The following FAM227B variants were observed in gnomAD, a reference collection of about 807,000 sequenced individuals.
The protein encoded by FAM227B is family with sequence similarity 227 member B, also known as protein FAM227B.
In FAM227B, 88 loss-of-function variants were observed where a neutral mutation model predicts 73.8. The ratio of observed to expected loss-of-function variants is 1.19; its 90% CI spans 1.00 to 1.42. The LOEUF is 1.42. Among genes scored for constraint, FAM227B ranks in the 40% most tolerant of loss-of-function variants. The probability of loss-of-function intolerance (pLI) is 0.00; values close to 1 mark genes in which losing one functional copy is unlikely to be tolerated. For synonymous variants in FAM227B, 210 were observed against 190.5 expected, an observed-to-expected ratio of 1.10 and a Z score of -0.84; for missense variants, 632 against 590.9, an observed-to-expected ratio of 1.07 and a Z score of -0.72.
chr15:49,364,678 C>A (rs570093849), intron 13 of FAM227B, among the ~76,000 whole-genome samples: 1 of 152,012 alleles, frequency 6.6e-6, no homozygotes, highest in Non-Finnish European at 1.5e-5. Flanking sequence ...AAATTTTCAC[C>A]GTTGAACTGC....
chr15:49,603,816 A>G (rs1425870428), intron 3 of FAM227B, among the ~76,000 whole-genome samples: 1 of 152,152 alleles, frequency 6.6e-6, no homozygotes, highest in Non-Finnish European at 1.5e-5. Context: ...TTATTATGTT[A>G]AAGTATATTC....
intron 11 of FAM227B, among the ~76,000 whole-genome samples, chr15:49,502,721 G>A (rs1446125082): frequency 1.3e-5 from 2 of 152,178 alleles, no homozygotes; most frequent in Non-Finnish European, 2.9e-5. Context: ...TTTGCAATGT[G>A]AGAAGGACAA....
At chr15:49,620,543 G>T (rs937599201) in intron 1 of FAM227B, 157 bp downstream of exon 1, 1 of 152,152 alleles carries the variant, frequency 6.6e-6, no homozygotes, top group African/African-American at 2.4e-5. Context: ...AGATACAAAT[G>T]ATTTTTCTAA....
chr15:49,438,834 T>TGA (rs34026981), intron 11 of FAM227B, among the ~76,000 whole-genome samples: 3 of 149,592 alleles, frequency 2.0e-5, no homozygotes, highest in South Asian at 2.1e-4. Flanking sequence ...GCTAAGCAAC[T>TGA]GAGAGAGAGA....
At chr15:49,473,668 T>G (rs1177467658) in intron 11 of FAM227B, among the ~76,000 whole-genome samples, 1 of 152,158 alleles carries the variant, frequency 6.6e-6, no homozygotes, top group African/African-American at 2.4e-5. Context: ...AGAATAAAAC[T>G]ATTTCTCTTA....
chr15:49,549,924 ACCTCCCTCCCGGATGGGGCG>A (rs2072582971), intron 9 of FAM227B, among the ~76,000 whole-genome samples: 3 of 95,390 alleles, frequency 3.1e-5, no homozygotes, highest in African/African-American at 3.6e-5. Flanking sequence ...GACCCCCCCC[ACCTCCCTCCCGGATGGGGCG>A]GCTGGCCGGG....
intron 11 of FAM227B, among the ~76,000 whole-genome samples, chr15:49,458,277 AAAAG>A (rs2053496345): frequency 6.6e-6 from 1 of 151,208 alleles, no homozygotes; most frequent in African/African-American, 2.4e-5. Context: ...ACTCTGGAGA[AAAAG>A]AACCCCCCCA....
intron 11 of FAM227B, chr15:49,486,789 G>T (rs2056434220): frequency 6.6e-6 from 1 of 151,622 alleles, no homozygotes; most frequent in South Asian, 2.1e-4. Context: ...TTAATTATTT[G>T]TTTTTCTCCT....
At chr15:49,558,492 T>C (rs968948308) in intron 9 of FAM227B, among the ~76,000 whole-genome samples, 2 of 152,178 alleles carry the variant, frequency 1.3e-5, no homozygotes, top group African/African-American at 2.4e-5. Flanking sequence ...GCCCACTGCA[T>C]AGCCACCCTT....
intron 11 of FAM227B, among the ~76,000 whole-genome samples, chr15:49,463,133 T>A (rs2151936278): frequency 6.6e-6 from 1 of 152,346 alleles, no homozygotes; most frequent in African/African-American, 2.4e-5. Flanking sequence ...TAGGCCTCCA[T>A]CAGCTCCTGC....
intron 10 of FAM227B, among the ~76,000 whole-genome samples, chr15:49,521,942 T>C (rs1031646290): frequency 1.3e-5 from 2 of 152,146 alleles, no homozygotes; most frequent in African/African-American, 4.8e-5. Flanking sequence ...TTTCCACTCA[T>C]TATCAAGATA....
At chr15:49,382,489 T>C (rs1482872155) in intron 11 of FAM227B, among the ~76,000 whole-genome samples, 1 of 152,082 alleles carries the variant, frequency 6.6e-6, no homozygotes, top group Non-Finnish European at 1.5e-5. Context: ...TTCTTTCCCT[T>C]TTTTTCTTAT....
At chr15:49,503,121 C>T (rs1413096752) in intron 11 of FAM227B, among the ~76,000 whole-genome samples, 1 of 152,146 alleles carries the variant, frequency 6.6e-6, no homozygotes. Context: ...AATAATGCCA[C>T]ACATCTATAA....
chr15:49,432,707 A>G (rs761694097), intron 11 of FAM227B, among the ~76,000 whole-genome samples: 54 of 151,702 alleles, frequency 3.6e-4, no homozygotes, highest in Admixed American at 6.6e-4. Flanking sequence ...CATGTATGCC[A>G]AAGTCAGAAG....
At chr15:49,529,429 T>C (rs553613246) in intron 10 of FAM227B, among the ~76,000 whole-genome samples, 1 of 151,876 alleles carries the variant, frequency 6.6e-6, no homozygotes, top group East Asian at 1.9e-4. Flanking sequence ...TTGCACAATA[T>C]ATCTATGTAA....
chr15:49,584,345 C>T (rs2076010824), intron 5 of FAM227B, among the ~76,000 whole-genome samples: 1 of 152,142 alleles, frequency 6.6e-6, no homozygotes, highest in South Asian at 2.1e-4. Context: ...CATTAAACTA[C>T]ATATTGAAGG....
chr15:49,337,508 C>CTTTCCCACT (rs2039945998), intron 13 of FAM227B, among the ~76,000 whole-genome samples: 1 of 36,080 alleles, frequency 2.8e-5, no homozygotes, highest in Non-Finnish European at 5.0e-5. Flanking sequence ...CATTTACCCA[C>CTTTCCCACT]TTTTTTTTTT....
In FAM227B at chr15:49,367,544, G is replaced by A. The variant is rs756782281; in HGVS notation, c.1175C>T (p.Pro392Leu). 22 of 1,606,716 alleles carry A rather than the reference G, an allele frequency of 1.4e-5. No homozygotes were observed. Among genetic ancestry groups the A allele is most frequent in the Non-Finnish European group, 1.8e-5 (21 of 1,178,322 alleles). Residue 392 changes from proline (P) to leucine (L), a missense_variant, in exon 13 of 16, where the codon CCA becomes CTA. Pro to Leu is a moderately conservative substitution (Grantham distance 98, BLOSUM62 -3). Coordinates refer to ENST00000299338, the MANE Select transcript of FAM227B (RefSeq NM_152647.3). The stretch of plus-strand genomic sequence containing the variant: ...CATCTTAAGATAATATAAAATCAAT[G>A]GACTCTGACCTCCAAAATTGAAGAG... ...RVLFNFGGQS[P>L]LILYYLKMHE...
At chr15:49,475,432 A>G (rs1294224011) in intron 11 of FAM227B, among the ~76,000 whole-genome samples, 1 of 152,186 alleles carries the variant, frequency 6.6e-6, no homozygotes, top group Admixed American at 6.5e-5. Context: ...GGGCAGGGAC[A>G]TTTTATTCAT....
Sources: gnomAD v4.1 joint callset for allele counts (sites outside exome capture counted in the v4.1 genomes callset) on GRCh38, gnomAD v4.1.1 for gene constraint, MANE v1.5 for transcripts, NCBI Gene and HGNC (gene_info 2026-07-23, HGNC 2026-07-21) for gene names.